The following SATL1 variants were observed in gnomAD, a reference collection of about 807,000 sequenced individuals.
SATL1 encodes spermidine/spermine N(1)-acetyltransferase-like protein 1.
Under a neutral mutation model 51.8 loss-of-function variants are expected in SATL1, and 47 were observed. That is an observed-to-expected ratio of 0.91 (90% CI 0.72 to 1.16). The LOEUF (loss-of-function observed/expected upper bound fraction) is 1.16. Ranked by LOEUF, SATL1 falls within the 50% of genes most tolerant of loss-of-function variation. SATL1 has a pLI of 0.00. For missense variants in SATL1, 520 were observed against 526.4 expected (o/e 0.99, Z 0.12); for synonymous variants, 176 against 182.4 (o/e 0.97, Z 0.28).
chrX:85,118,894 A>T (rs1367978581), intron 2 of SATL1, among the ~76,000 whole-genome samples: 1 of 111,639 alleles, frequency 9.0e-6, no homozygotes, highest in Non-Finnish European at 1.9e-5. Flanking sequence ...TTTGTCAACT[A>T]AAGTTAATTA....
At chrX:85,216,467 G>A (rs1928045303) in intron 2 of SATL1, among the ~76,000 whole-genome samples, 1 of 111,218 alleles carries the variant, frequency 9.0e-6, no homozygotes, top group African/African-American at 3.3e-5. Context: ...CCTCTCCCAA[G>A]CTCATGCATT....
chrX:85,158,027 G>T (rs1019165808), intron 2 of SATL1, among the ~76,000 whole-genome samples: 1 of 111,611 alleles, frequency 9.0e-6, no homozygotes, highest in African/African-American at 3.2e-5. Flanking sequence ...GTGTCCAGAT[G>T]CACTTTGCTC....
Position 85,098,842 on chromosome X carries a change from C to A in SATL1, c.1694-3846G>T, listed in dbSNP as rs767065786. Among the ~76,000 whole-genome samples, 41 of 111,257 alleles carry A rather than the reference C, an allele frequency of 3.7e-4. No individual in the cohort carries two copies. The East Asian group carries it at 8.5e-3, about 23-fold the overall frequency. ...GAGGGAAAATTATAGCTGTAAATGC[C>A]ATTTAAAAAATTATCTAAAACAATA... On this transcript the variant is annotated intron_variant, in intron 4 of 7. Transcript: ENST00000644105.
At chrX:85,098,733 G>C (rs1453037124) in intron 4 of SATL1, among the ~76,000 whole-genome samples, 1 of 111,508 alleles carries the variant, frequency 9.0e-6, no homozygotes, top group African/African-American at 3.3e-5. Context: ...AAGTATAAGG[G>C]AAATAGGAAA....
At chrX:85,232,571 G>A in intron 1 of SATL1, among the ~76,000 whole-genome samples, 1 of 111,559 alleles carries the variant, frequency 9.0e-6, no homozygotes, top group Non-Finnish European at 1.9e-5. Context: ...CTATCCTGTA[G>A]GGAGAGTCCC....
intron 2 of SATL1, among the ~76,000 whole-genome samples, chrX:85,161,388 C>A (rs1373323162): frequency 9.1e-6 from 1 of 110,087 alleles, no homozygotes; most frequent in Admixed American, 9.7e-5. Flanking sequence ...GAAGCAAGAT[C>A]CAATGGTATG....
chrX:85,130,190 T>C (rs144717168), intron 2 of SATL1, among the ~76,000 whole-genome samples: 16,284 of 111,654 alleles, frequency 0.15, 1,266 homozygotes, highest in African/African-American at 0.3. Flanking sequence ...TCCCTCTTTT[T>C]CTATTGATTG....
chrX:85,106,905 C>T (rs1245385535), intron 3 of SATL1, among the ~76,000 whole-genome samples: 5 of 111,102 alleles, frequency 4.5e-5, no homozygotes, highest in Non-Finnish European at 9.4e-5. Context: ...GACTCCCTAC[C>T]GCAAAATCCT....
At chrX:85,130,742 G>A (rs1398984619) in intron 2 of SATL1, among the ~76,000 whole-genome samples, 5 of 111,418 alleles carry the variant, frequency 4.5e-5, no homozygotes, top group Admixed American at 9.6e-5. Context: ...TAATGTTAGG[G>A]TGTCAATTTT....
chrX:85,219,243 A>G (rs1476411735), intron 2 of SATL1: 1 of 112,351 alleles, frequency 8.9e-6, no homozygotes, highest in Non-Finnish European at 1.9e-5. Context: ...TGATCATTTT[A>G]AAAACATACT....
At chrX:85,107,139 C>T (rs1376394366) in intron 3 of SATL1, among the ~76,000 whole-genome samples, 189 bp downstream of exon 3, 1 of 111,570 alleles carries the variant, frequency 9.0e-6, no homozygotes, top group Non-Finnish European at 1.9e-5. Context: ...TAACAACAAT[C>T]TTTTGAGATA....
intron 4 of SATL1, among the ~76,000 whole-genome samples, chrX:85,096,353 T>G (rs1924721738): frequency 9.1e-6 from 1 of 110,481 alleles, no homozygotes; most frequent in Admixed American, 9.7e-5. Context: ...CAGGTGAAAT[T>G]ATTGAGTCTG....
At chrX:85,105,909 A>G (rs1473654926) in intron 3 of SATL1, among the ~76,000 whole-genome samples, 1 of 111,820 alleles carries the variant, frequency 8.9e-6, no homozygotes, top group African/African-American at 3.2e-5. Flanking sequence ...CTCCCAATAA[A>G]CATCTTATGT....
chrX:85,142,848 TTCCTTCTCTGTCTTCTCTTTATTTTC>T (rs1270455070), intron 2 of SATL1: 1 of 112,147 alleles, frequency 8.9e-6, no homozygotes, highest in African/African-American at 3.2e-5. Flanking sequence ...TACCAGATAC[TTCCTTCTCTGTCTTCTCTTTATTTTC>T]TCCTCCTGAA....
intron 4 of SATL1, among the ~76,000 whole-genome samples, chrX:85,099,616 T>G (rs1254651615): frequency 1.8e-5 from 2 of 111,574 alleles, no homozygotes; most frequent in African/African-American, 6.5e-5. Context: ...ATTTAATACA[T>G]CATATTAATG....
chrX:85,129,047 T>C (rs1327753676), intron 2 of SATL1, among the ~76,000 whole-genome samples: 1 of 112,095 alleles, frequency 8.9e-6, no homozygotes, highest in Non-Finnish European at 1.9e-5. Flanking sequence ...TTGGTTACTG[T>C]AGCCTTGTAG....
intron 2 of SATL1, among the ~76,000 whole-genome samples, chrX:85,160,261 T>C (rs947055834): frequency 9.0e-6 from 1 of 111,129 alleles, no homozygotes; most frequent in Non-Finnish European, 1.9e-5. Flanking sequence ...CTCTGACAAC[T>C]CAAAAAGCCA....
chrX:85,101,523 A>C (rs1384639089), intron 4 of SATL1, among the ~76,000 whole-genome samples: 1 of 112,334 alleles, frequency 8.9e-6, no homozygotes. Flanking sequence ...TTACAAAAAA[A>C]CAAAAATAAG....
At chrX:85,189,435 G>GCAT (rs1446281899) in intron 2 of SATL1, among the ~76,000 whole-genome samples, 1 of 111,953 alleles carries the variant, frequency 8.9e-6, no homozygotes, top group Non-Finnish European at 1.9e-5. Flanking sequence ...CCGTGTTCCA[G>GCAT]CATTGTAAAG....
Sources: gnomAD v4.1 joint callset for allele counts (sites outside exome capture counted in the v4.1 genomes callset) on GRCh38, gnomAD v4.1.1 for gene constraint, MANE v1.5 for transcripts, NCBI Gene and HGNC (gene_info 2026-07-23, HGNC 2026-07-21) for gene names.